Variants in GALNT16 observed in about 807,000 individuals in gnomAD.
GALNT16 encodes UDP-GalNAc:polypeptide N-acetylgalactosaminyltransferase-like protein 1.
GALNT16 carries 40 observed loss-of-function variants against 76.1 expected under a neutral mutation model. The observed-to-expected ratio is 0.53, with a 90% CI of 0.41 to 0.68. The LOEUF is 0.68. Among genes scored for constraint, GALNT16 ranks in the 30% least tolerant of loss-of-function variants. GALNT16 has a pLI of 0.00. For missense variants in GALNT16, 621 were observed against 731.9 expected (o/e 0.85, Z 1.75); for synonymous variants, 276 against 285.2 (o/e 0.97, Z 0.32).
At chr14:69,311,797 G>A (rs1032925894) in intron 1 of GALNT16, among the ~76,000 whole-genome samples, 5 of 152,160 alleles carry the variant, frequency 3.3e-5, no homozygotes, top group African/African-American at 1.2e-4. Context: ...TTGGATCCTG[G>A]CCTGCTGGTC....
At chr14:69,366,838 G>A in the GALNT16 span, among the ~76,000 whole-genome samples, 1 of 152,184 alleles carries the variant, frequency 6.6e-6, no homozygotes, top group South Asian at 2.1e-4. Context: ...TGTGAAATAT[G>A]TAGTTCACTC....
the GALNT16 span, among the ~76,000 whole-genome samples, chr14:69,367,361 C>G: frequency 6.6e-6 from 1 of 151,828 alleles, no homozygotes; most frequent in Non-Finnish European, 1.5e-5. Flanking sequence ...GGTGGCAGCC[C>G]TCATGAATGG....
chr14:69,362,339 G>GC, the GALNT16 span, among the ~76,000 whole-genome samples: 3 of 152,228 alleles, frequency 2.0e-5, no homozygotes, highest in African/African-American at 7.2e-5. Context: ...TGTGTACTCT[G>GC]CCTTGTGGCT....
intron 12 of GALNT16, among the ~76,000 whole-genome samples, chr14:69,342,525 G>A: frequency 8.6e-6 from 1 of 115,986 alleles, no homozygotes; most frequent in Admixed American, 8.7e-5. Context: ...AGGGGAGAGG[G>A]AGAGGAAAAG....
chr14:69,313,586 T>C (rs1234344238), intron 1 of GALNT16, among the ~76,000 whole-genome samples: 2 of 98,776 alleles, frequency 2.0e-5, no homozygotes, highest in Non-Finnish European at 5.6e-5. Flanking sequence ...GAACTCTTTC[T>C]CAGTGAAACC....
At chr14:69,306,015 G>A (rs575705169) in intron 1 of GALNT16, among the ~76,000 whole-genome samples, 2 of 152,310 alleles carry the variant, frequency 1.3e-5, no homozygotes, top group African/African-American at 4.8e-5. Context: ...ATTTGTAGAA[G>A]AGACTATCCT....
At chr14:69,316,328 A>G (rs950631042) in intron 1 of GALNT16, among the ~76,000 whole-genome samples, 1 of 152,258 alleles carries the variant, frequency 6.6e-6, no homozygotes, top group Non-Finnish European at 1.5e-5. Context: ...TTGAGTGCCT[A>G]CAATCACCAA....
chr14:69,297,559 C>T (rs1039887718), intron 1 of GALNT16, among the ~76,000 whole-genome samples: 1 of 151,408 alleles, frequency 6.6e-6, no homozygotes, highest in East Asian at 1.9e-4. Flanking sequence ...ACTTAGCTCA[C>T]TTTTAATGCT....
At position 69,274,887 on chromosome 14, in the gene GALNT16, A is replaced by G. The variant is rs555035640; in HGVS notation, c.177+14420A>G. 5.3e-5 allele frequency among the ~76,000 whole-genome samples: 8 copies of G among 152,314 alleles called. No individual in the cohort carries two copies. The South Asian group carries it at 1.4e-3, about 28-fold the overall frequency. Reference sequence around the variant, plus strand: ...CATTTTACACATCAGAACCTGACTCAGAGATGGCAGGTTACTTGCCAACAG... The same window carrying G: ...CATTTTACACATCAGAACCTGACTCGGAGATGGCAGGTTACTTGCCAACAG... On this transcript the variant is annotated intron_variant, in intron 1 of 14. Coordinates refer to ENST00000448469, the MANE Select transcript of GALNT16 (RefSeq NM_001168368.2).
At chr14:69,339,078 G>A (rs959754910) in intron 10 of GALNT16, among the ~76,000 whole-genome samples, 1 of 152,150 alleles carries the variant, frequency 6.6e-6, no homozygotes, top group Non-Finnish European at 1.5e-5. Flanking sequence ...CCGAGTGCTG[G>A]TCATGGATGC....
chr14:69,338,567 C>T, intron 9 of GALNT16, 84 bp from the exon 10 acceptor site: 2 of 1,571,374 alleles, frequency 1.3e-6, no homozygotes, highest in Admixed American at 1.7e-5. Context: ...CAGTGAGACA[C>T]CAAAGGGAAG....
intron 1 of GALNT16, among the ~76,000 whole-genome samples, chr14:69,266,332 A>C (rs1288459224): frequency 6.6e-6 from 1 of 152,248 alleles, no homozygotes; most frequent in Non-Finnish European, 1.5e-5. Flanking sequence ...AATTTTCTGT[A>C]ATAAGCATCC....
At chr14:69,358,336 A>T (rs1349712974), downstream of GALNT16, 1 of 152,440 alleles carries the variant, frequency 6.6e-6, no homozygotes, top group Admixed American at 6.5e-5. Context: ...GGTGGACTGC[A>T]GTTCCCACAA....
chr14:69,360,925 C>G (rs560320590), downstream of GALNT16, among the ~76,000 whole-genome samples: 7 of 152,312 alleles, frequency 4.6e-5, no homozygotes, highest in East Asian at 1.4e-3. Context: ...CGGGCCCTGC[C>G]CCTGCTAAGC....
chr14:69,310,888 C>T (rs916890554), intron 1 of GALNT16, among the ~76,000 whole-genome samples: 34 of 151,792 alleles, frequency 2.2e-4, no homozygotes, highest in Admixed American at 1.4e-3. Flanking sequence ...GCACTCCAGC[C>T]GGGGTGACAG....
At chr14:69,293,424 T>C (rs1028366820) in intron 1 of GALNT16, among the ~76,000 whole-genome samples, 1 of 152,232 alleles carries the variant, frequency 6.6e-6, no homozygotes, top group African/African-American at 2.4e-5. Context: ...CAAAATACAA[T>C]TGGACAAATT....
intron 1 of GALNT16, among the ~76,000 whole-genome samples, chr14:69,287,833 C>T (rs949238899): frequency 6.6e-6 from 1 of 152,086 alleles, no homozygotes; most frequent in Non-Finnish European, 1.5e-5. Flanking sequence ...GAGTGAGATA[C>T]GCTAACCAAA....
At chr14:69,360,345 C>A (rs72625682), downstream of GALNT16, among the ~76,000 whole-genome samples, 18,906 of 150,294 alleles carry the variant, frequency 0.13, 1,326 homozygotes, top group East Asian at 0.18. Flanking sequence ...CAGAGCGAGA[C>A]CCTATCTCAA....
At chr14:69,285,443 TCA>T (rs2044598966) in intron 1 of GALNT16, among the ~76,000 whole-genome samples, 1 of 111,118 alleles carries the variant, frequency 9.0e-6, no homozygotes, top group South Asian at 2.9e-4. Flanking sequence ...ATGTGTAGTG[TCA>T]TGTGTGGTTT....
Sources: allele counts gnomAD v4.1 joint callset (sites outside exome capture counted in the v4.1 genomes callset), GRCh38; gene constraint gnomAD v4.1.1; transcripts MANE v1.5; gene names NCBI Gene and HGNC (gene_info 2026-07-23, HGNC 2026-07-21).